The following GALM variants were observed in gnomAD, a reference collection of about 807,000 sequenced individuals.
The protein encoded by GALM is galactose mutarotase.
A neutral mutation model predicts 37.4 loss-of-function variants in GALM; 43 were observed. The observed-to-expected ratio is 1.15, with a 90% CI of 0.90 to 1.48. The LOEUF is 1.48. Among genes scored for constraint, GALM ranks in the 40% most tolerant of loss-of-function variants. The pLI, the probability that GALM is intolerant of heterozygous loss-of-function variation, is 0.00. For missense variants in GALM, 456 were observed against 419.1 expected (o/e 1.09, Z -0.77); for synonymous variants, 199 against 170.6 (o/e 1.17, Z -1.30).
intron 4 of GALM, among the ~76,000 whole-genome samples, chr2:38,695,565 G>A (rs1452518078): frequency 6.6e-6 from 1 of 152,210 alleles, no homozygotes; most frequent in Non-Finnish European, 1.5e-5. Context: ...CTCTAAAACA[G>A]CTTTGGCCTT....
chr2:38,719,944 G>A (rs1352890580), intron 4 of GALM, among the ~76,000 whole-genome samples: 3 of 151,576 alleles, frequency 2.0e-5, no homozygotes, highest in Non-Finnish European at 4.4e-5. Flanking sequence ...AGGCGCGTTG[G>A]CTCACACCAA....
chr2:38,691,225 ATCT>A (rs1412357100), intron 4 of GALM, among the ~76,000 whole-genome samples: 2 of 152,330 alleles, frequency 1.3e-5, no homozygotes, highest in African/African-American at 4.8e-5. Context: ...TATTTATAAA[ATCT>A]TCTCATGCTA....
chr2:38,707,521 C>G (rs1666055945), intron 4 of GALM, among the ~76,000 whole-genome samples: 1 of 152,144 alleles, frequency 6.6e-6, no homozygotes, highest in Admixed American at 6.6e-5. Flanking sequence ...GGCAGGAGAC[C>G]TGGGAACCTG....
At chr2:38,687,192 C>T (rs1200527896) in intron 3 of GALM, among the ~76,000 whole-genome samples, 1 of 152,232 alleles carries the variant, frequency 6.6e-6, no homozygotes, top group Non-Finnish European at 1.5e-5. Context: ...CACCCTGAGG[C>T]ATGCGAGGAT....
intron 4 of GALM, among the ~76,000 whole-genome samples, chr2:38,706,618 T>G (rs550437014): frequency 9.9e-5 from 15 of 150,934 alleles, no homozygotes; most frequent in Admixed American, 4.6e-4. Flanking sequence ...AGGTGGAGTT[T>G]GCAGTGAATT....
chr2:38,732,352 C>A (rs1391238454), intron 6 of GALM, among the ~76,000 whole-genome samples: 2 of 152,170 alleles, frequency 1.3e-5, no homozygotes, highest in Non-Finnish European at 2.9e-5. Context: ...GCCACTGTGC[C>A]CGGCTCAAAA....
At chr2:38,716,047 A>C (rs1216697679) in intron 4 of GALM, among the ~76,000 whole-genome samples, 1 of 152,218 alleles carries the variant, frequency 6.6e-6, no homozygotes, top group Non-Finnish European at 1.5e-5. Flanking sequence ...CAAACAGGTG[A>C]GCAGGATGCT....
chr2:38,694,210 G>A lies in GALM; in HGVS notation c.634+4316G>A, dbSNP rs186743118. 4.6e-5 allele frequency among the ~76,000 whole-genome samples: 7 copies of A among 152,196 alleles called. No individual in the cohort carries two copies. The East Asian group carries it at 1.2e-3, about 25-fold the overall frequency. Reference sequence around the variant, plus strand: ...AAAAAGAAGAAGATTTGGGAGGTAGGGGAGAGGCAGAAAGGAGTGAGGAAA... The same window carrying A: ...AAAAAGAAGAAGATTTGGGAGGTAGAGGAGAGGCAGAAAGGAGTGAGGAAA... On this transcript the variant is annotated intron_variant, in intron 4 of 6. Coordinates refer to ENST00000272252, the MANE Select transcript of GALM (RefSeq NM_138801.3).
At chr2:38,722,787 A>T (rs1421245922) in intron 4 of GALM, among the ~76,000 whole-genome samples, 4 of 152,188 alleles carry the variant, frequency 2.6e-5, no homozygotes, top group Non-Finnish European at 5.9e-5. Context: ...TAGTGAGAAA[A>T]ATCAAGAGCA....
intron 4 of GALM, among the ~76,000 whole-genome samples, chr2:38,716,603 T>A (rs575213075): frequency 6.6e-6 from 1 of 152,322 alleles, no homozygotes; most frequent in East Asian, 1.9e-4. Flanking sequence ...TTTTATAATA[T>A]TCTCAAAGGA....
intron 1 of GALM, among the ~76,000 whole-genome samples, chr2:38,671,063 G>A (rs946204066): frequency 2.0e-5 from 3 of 147,136 alleles, no homozygotes; most frequent in East Asian, 2.3e-4. Flanking sequence ...ATTTATTCTC[G>A]CCAGTGCCTT....
intron 1 of GALM, among the ~76,000 whole-genome samples, chr2:38,675,532 TTTTTTTTTTTTTGTGTGTGTGTGTGTG>T (rs1665229617): frequency 1.1e-5 from 1 of 88,968 alleles, no homozygotes; most frequent in African/African-American, 7.0e-5. Context: ...TTTTGTTTTT[TTTTTTTTTTTTTGTGTGTGTGTGTGTG>T]TGTGTGTGTG....
At chr2:38,692,367 C>T (rs1665698186) in intron 4 of GALM, among the ~76,000 whole-genome samples, 1 of 152,144 alleles carries the variant, frequency 6.6e-6, no homozygotes, top group African/African-American at 2.4e-5. Flanking sequence ...ACATGTCTGG[C>T]CCACTTTCCA....
At chr2:38,671,272 C>T (rs902082328) in intron 1 of GALM, 2 of 152,152 alleles carry the variant, frequency 1.3e-5, no homozygotes, top group African/African-American at 4.8e-5. Flanking sequence ...GATGTGAAAG[C>T]TTAGTAACTA....
At chr2:38,677,077 G>A (rs1665277053) in intron 2 of GALM, among the ~76,000 whole-genome samples, 1 of 152,226 alleles carries the variant, frequency 6.6e-6, no homozygotes, top group South Asian at 2.1e-4. Context: ...ACAAGGTCAG[G>A]AAAGCAAATT....
chr2:38,692,379 T>C (rs1665698638), intron 4 of GALM, among the ~76,000 whole-genome samples: 1 of 152,226 alleles, frequency 6.6e-6, no homozygotes, highest in African/African-American at 2.4e-5. Context: ...CACTTTCCAC[T>C]GAGAACAAAT....
intron 4 of GALM, among the ~76,000 whole-genome samples, chr2:38,719,367 G>A (rs986204874): frequency 2.6e-5 from 4 of 151,236 alleles, no homozygotes; most frequent in Admixed American, 2.6e-4. Flanking sequence ...CTACTCGGGA[G>A]GCTGAGGCAA....
intron 5 of GALM, among the ~76,000 whole-genome samples, chr2:38,730,256 A>C (rs1666575275): frequency 6.6e-6 from 1 of 152,182 alleles, no homozygotes; most frequent in Non-Finnish European, 1.5e-5. Context: ...ATGTTTGCAG[A>C]ATTAACAGTT....
intron 1 of GALM, among the ~76,000 whole-genome samples, chr2:38,672,908 G>C (rs1470319763): frequency 1.3e-5 from 2 of 152,030 alleles, no homozygotes; most frequent in East Asian, 3.9e-4. Flanking sequence ...TACTTGGAAG[G>C]CTGAGGCAGG....
Sources: gnomAD v4.1 joint callset for allele counts (sites outside exome capture counted in the v4.1 genomes callset) on GRCh38, gnomAD v4.1.1 for gene constraint, MANE v1.5 for transcripts, NCBI Gene and HGNC (gene_info 2026-07-23, HGNC 2026-07-21) for gene names.